The following MAN2B1 variants were observed in gnomAD, a reference collection of about 807,000 sequenced individuals.
MAN2B1 encodes lysosomal alpha-mannosidase.
Under a neutral mutation model 127.5 loss-of-function variants are expected in MAN2B1, and 99 were observed. That is an observed-to-expected ratio of 0.78 (90% CI 0.66 to 0.92). MAN2B1 has a LOEUF of 0.92. MAN2B1 is among the 40% of genes least tolerant of loss of function. The pLI is 0.00. For missense variants in MAN2B1, 1,304 were observed against 1,384.8 expected (o/e 0.94, Z 0.93); for synonymous variants, 573 against 568.8 (o/e 1.01, Z -0.11).
chr19:12,666,214 C>T (rs994882862), intron 1 of MAN2B1, among the ~76,000 whole-genome samples: 4 of 152,172 alleles, frequency 2.6e-5, no homozygotes, highest in Middle Eastern at 6.8e-3. Flanking sequence ...TTCAGGCAGA[C>T]TCCAGAGTCC....
At position 12,647,675 on chromosome 19, in the gene MAN2B1, G is replaced by A. The variant is rs1437907330; in HGVS notation, c.2665-77C>T. On this transcript the variant is annotated intron_variant, in intron 21 of 23. Coordinates refer to ENST00000456935, the MANE Select transcript of MAN2B1 (RefSeq NM_000528.4). The surrounding 1 kb of genome is among the most constrained non-coding windows in gnomAD (Gnocchi z 4.9). ...GAAGGGCGGGGCCGAGCCAGGTCAGGAGGCAGGGCTAGGTTGTAGGGGCGG... is the reference window on the plus strand; with the variant it reads ...GAAGGGCGGGGCCGAGCCAGGTCAGAAGGCAGGGCTAGGTTGTAGGGGCGG... 3 of 1,329,138 alleles carry A rather than the reference G, an allele frequency of 2.3e-6. No homozygotes were observed. The highest frequency in any genetic ancestry group is 3.1e-6 in the Non-Finnish European group (3 of 960,408). 82.3% of individuals were successfully genotyped at this position (1,329,138 alleles called of 1,614,324 possible).
At position 12,661,297 on chromosome 19, in the gene MAN2B1, T is replaced by G. The variant is rs1463147786; in HGVS notation, c.989A>C (p.Lys330Thr). The change falls in exon 7 of 24, where the codon AAG becomes ACG. Residue 330 changes from lysine (K) to threonine (T), a missense_variant. Coordinates refer to ENST00000456935, the MANE Select transcript of MAN2B1 (RefSeq NM_000528.4). ...FQYENANMWF[K>T]NLDKLIRLVN... ...CAGCCGGATGAGCTTGTCAAGGTTC[T>G]TGAACCACATGTTGGCATTCTCATA... 6.2e-7 allele frequency: 1 copy of G among 1,614,082 alleles called. No homozygotes were observed. The highest frequency in any genetic ancestry group is 8.5e-7 in the Non-Finnish European group (1 of 1,179,920).
chr19:12,656,711 G>T (rs1223049235), intron 12 of MAN2B1, 24 bp from the exon 13 acceptor site: 4 of 1,524,522 alleles, frequency 2.6e-6, no homozygotes, highest in Non-Finnish European at 2.7e-6. Context: ...GGTCAGAGAG[G>T]GCATGGGTCA....
intron 21 of MAN2B1, 52 bp downstream of exon 21, chr19:12,648,123 C>T: frequency 6.7e-7 from 1 of 1,493,254 alleles, no homozygotes; most frequent in Non-Finnish European, 9.0e-7. Context: ...CCAAACCCGG[C>T]TCCCTGGTAG....
intron 7 of MAN2B1, among the ~76,000 whole-genome samples, chr19:12,660,060 G>A (rs1187093431): frequency 1.3e-5 from 2 of 152,050 alleles, no homozygotes; most frequent in Admixed American, 1.3e-4. Context: ...GCCACTTAGT[G>A]CAAAACACTA....
At chr19:12,658,169 C>T in intron 9 of MAN2B1, 28 bp from the exon 10 acceptor site, 3 of 1,613,574 alleles carry the variant, frequency 1.9e-6, no homozygotes, top group Non-Finnish European at 2.5e-6. Context: ...TGTTGGGGCG[C>T]CCAGCCTGTC....
At chr19:12,657,262 C>G (rs1316666762) in intron 11 of MAN2B1, 184 bp downstream of exon 11, 1 of 702,392 alleles carries the variant, frequency 1.4e-6, no homozygotes, top group African/African-American at 1.8e-5. Flanking sequence ...CTTCCCCCCT[C>G]CAAAGCCCCG....
chr19:12,647,817 A>G lies in MAN2B1; in HGVS notation c.2665-219T>C, dbSNP rs1340879136. ...AAGCTTAGGGTTCGAGTCCCGATGGAGCAGAACTGATGTGACCTGAGACTT... is the reference window on the plus strand; with the variant it reads ...AAGCTTAGGGTTCGAGTCCCGATGGGGCAGAACTGATGTGACCTGAGACTT... On this transcript the variant is annotated intron_variant, in intron 21 of 23. Transcript: ENST00000456935. This position sits in a 1 kb window ranked among gnomAD's most constrained non-coding sequence, Gnocchi z 4.9. The G allele has an allele frequency of 2.7e-5, 16 of 602,704 alleles. No homozygotes were observed. In the Middle Eastern group the frequency reaches 1.8e-3, roughly 67 times the overall value. 37.3% of individuals were successfully genotyped at this position (602,704 alleles called of 1,614,324 possible). A position where few individuals can be genotyped will look rare whatever the true frequency, so the allele number is the denominator to read the frequency against.
chr19:12,663,123 G>A (rs1299739831), intron 6 of MAN2B1, among the ~76,000 whole-genome samples, 194 bp downstream of exon 6: 1 of 149,382 alleles, frequency 6.7e-6, no homozygotes, highest in Non-Finnish European at 1.5e-5. Context: ...TTAGCTGGAT[G>A]TGCTTGTTTG....
rs1161051375 is a variant in MAN2B1 at position 12,647,456 on chromosome 19, G to T, written c.2807C>A (p.Thr936Asn). 1 of 1,614,066 alleles carries T rather than the reference G, an allele frequency of 6.2e-7. No homozygotes were observed. The highest frequency in any genetic ancestry group is 1.3e-5 in the African/African-American group (1 of 74,920). The change falls in exon 22 of 24, where the codon ACC (threonine) becomes AAC (asparagine). Residue 936 changes from threonine (T) to asparagine (N), a missense_variant. By Grantham distance (65) the Thr-to-Asn change is moderately conservative. Transcript: ENST00000456935. This position sits in a 1 kb window ranked among gnomAD's most constrained non-coding sequence, Gnocchi z 4.9. Reference protein sequence around the residue: ...DSGRNLSAPVTLNLRDLFSTF... With the variant: ...DSGRNLSAPVNLNLRDLFSTF... ...TGCCCTTCTCACCCTCAAGTTCAAG[G>T]TAACGGGGGCGCTCAGGTTACGTCC...
At chr19:12,654,675 C>CTTTTA (rs1415752491) in intron 14 of MAN2B1, among the ~76,000 whole-genome samples, 10 of 152,054 alleles carry the variant, frequency 6.6e-5, no homozygotes, top group Non-Finnish European at 1.0e-4. Context: ...TGCAGAACTT[C>CTTTTA]TTTTATTTTA....
At position 12,649,441 on chromosome 19, in the gene MAN2B1, G is replaced by T. The variant is rs1373452713; in HGVS notation, c.2268-13C>A. 1.9e-6 allele frequency: 3 copies of T among 1,555,624 alleles called. No individual in the cohort carries two copies. The Admixed American group carries it at 5.1e-5, about 27-fold the overall frequency. On this transcript the variant is annotated splice_polypyrimidine_tract_variant and intron_variant, in intron 18 of 23. Coordinates refer to ENST00000456935, the MANE Select transcript of MAN2B1 (RefSeq NM_000528.4). ...TCGATAATCCCGCCTGGGGTTGGGG[G>T]TGAGCTGATCAGGCTTGGGATCTGG... is the stretch of plus-strand genomic sequence containing the variant.
chr19:12,660,375 G>A (rs929568324), intron 7 of MAN2B1, among the ~76,000 whole-genome samples: 5 of 152,102 alleles, frequency 3.3e-5, no homozygotes, highest in African/African-American at 7.2e-5. Context: ...GGTGGCACGC[G>A]ACTGTAGTCC....
At position 12,658,108 on chromosome 19, in the gene MAN2B1, C is replaced by A. The variant is rs927426130; in HGVS notation, c.1264G>T (p.Ala422Ser). ...CNQLEALVGL[A>S]ANVGPYGSGD... ...GAGCCATAGGGTCCCACGTTGGCCGCCAGGCCCACCAGCGCCTCCAGCTGG... is the reference window on the plus strand; with the variant it reads ...GAGCCATAGGGTCCCACGTTGGCCGACAGGCCCACCAGCGCCTCCAGCTGG... The change falls in exon 10 of 24, where the codon GCG (alanine) becomes TCG (serine). Residue 422 changes from alanine (A) to serine (S), a missense_variant. Physicochemically the swap from Ala to Ser is moderately conservative, Grantham distance 99 (BLOSUM62 1). Transcript: ENST00000456935. 1.2e-5 allele frequency: 19 copies of A among 1,613,464 alleles called. No homozygotes were observed. The highest frequency in any genetic ancestry group is 1.4e-5 in the Non-Finnish European group (17 of 1,179,982).
At chr19:12,663,186 C>G in intron 6 of MAN2B1, 131 bp downstream of exon 6, 1 of 1,132,092 alleles carries the variant, frequency 8.8e-7, no homozygotes, top group Non-Finnish European at 1.3e-6. Flanking sequence ...TGCACTCCAG[C>G]CTGGGTGACA....
rs530218758 is a variant in MAN2B1 at position 12,661,104 on chromosome 19, T to C, written c.1026+156A>G. Reference sequence around the variant, plus strand: ...AGAACTGTAAGACAATGTATTTCTGTTGTTTTGAGCTGCTAAGTGTGTGGT... The same window carrying C: ...AGAACTGTAAGACAATGTATTTCTGCTGTTTTGAGCTGCTAAGTGTGTGGT... On this transcript the variant is annotated intron_variant, in intron 7 of 23. Coordinates refer to ENST00000456935, the MANE Select transcript of MAN2B1 (RefSeq NM_000528.4). The C allele has an allele frequency of 2.2e-4, 148 of 673,218 alleles. No individual in the cohort carries two copies. In the African/African-American group the frequency reaches 2.4e-3, roughly 11 times the overall value. The allele number at this position is 673,218 out of a possible 1,614,324, so 41.7% of individuals were successfully genotyped here.
chr19:12,657,437 C>T lies in MAN2B1; in HGVS notation c.1419+9G>A. The T allele has an allele frequency of 1.3e-6, 2 of 1,548,088 alleles. No homozygotes were observed. The highest frequency in any genetic ancestry group is 1.2e-5 in the South Asian group (1 of 83,968). On this transcript the variant is annotated intron_variant, in intron 11 of 23. Transcript: ENST00000456935. Reference sequence around the variant, plus strand: ...CACCCCCGTGTCTCCCAAGTCTCGCCCCGCGCACCTCGCAAGGCCCCCAGC... The same window carrying T: ...CACCCCCGTGTCTCCCAAGTCTCGCTCCGCGCACCTCGCAAGGCCCCCAGC...
chr19:12,656,939 C>T lies in MAN2B1; in HGVS notation c.1527+10G>A, dbSNP rs1262889501. 6.2e-7 allele frequency: 1 copy of T among 1,610,070 alleles called. No individual in the cohort carries two copies. The highest frequency in any genetic ancestry group is 8.5e-7 in the Non-Finnish European group (1 of 1,177,508). ...TCTGCCCTAGATCCACCCCTCCCGT[C>T]CCGGCTCACGCGCGCCGCCGTCTGG... On this transcript the variant is annotated intron_variant, in intron 12 of 23. Coordinates refer to ENST00000456935, the MANE Select transcript of MAN2B1 (RefSeq NM_000528.4).
rs1265612595 is a variant in MAN2B1, at chr19:12,656,290, G to A, written c.1644+281C>T. ...GCTCATGCCTATAATCCAGCAGGCG[G>A]AGTTTGAAGTGAGCCAAGATCGCGC... On this transcript the variant is annotated intron_variant, in intron 13 of 23. Coordinates refer to ENST00000456935, the MANE Select transcript of MAN2B1 (RefSeq NM_000528.4). 2.5e-5 allele frequency: 12 copies of A among 484,316 alleles called. 1 individual carries two copies. The highest frequency in any genetic ancestry group is 2.1e-4 in the Admixed American group (6 of 28,052). 30.0% of individuals were successfully genotyped at this position (484,316 alleles called of 1,614,324 possible).
Sources: allele counts gnomAD v4.1 joint callset (sites outside exome capture counted in the v4.1 genomes callset), GRCh38; gene constraint gnomAD v4.1.1; non-coding constraint Gnocchi (gnomAD v3.1); transcripts MANE v1.5; gene names NCBI Gene and HGNC (gene_info 2026-07-23, HGNC 2026-07-21).